The following EXOC6 variants were observed in gnomAD, a reference collection of about 807,000 sequenced individuals.
The protein encoded by EXOC6 is SEC15-like 1.
EXOC6 carries 60 observed loss-of-function variants against 112.5 expected under a neutral mutation model. The ratio of observed to expected loss-of-function variants is 0.53; its 90% confidence interval spans 0.43 to 0.66. EXOC6 has a LOEUF of 0.66. Ranked by LOEUF, EXOC6 falls within the 30% of genes least tolerant of loss-of-function variation. The pLI, the probability that EXOC6 is intolerant of heterozygous loss-of-function variation, is 0.00. For missense variants in EXOC6, 855 were observed against 957.1 expected (o/e 0.89, Z 1.41); for synonymous variants, 295 against 308.0 (o/e 0.96, Z 0.44).
At chr10:92,933,628 CTTT>C (rs1852182486) in intron 9 of EXOC6, among the ~76,000 whole-genome samples, 1 of 152,060 alleles carries the variant, frequency 6.6e-6, no homozygotes, top group African/African-American at 2.4e-5. Flanking sequence ...ATGTAATAAA[CTTT>C]TTATGAATGA....
intron 4 of EXOC6, 137 bp from the exon 5 acceptor site, chr10:92,899,462 T>G: frequency 1.7e-6 from 1 of 585,342 alleles, no homozygotes; most frequent in Non-Finnish European, 3.0e-6. Context: ...TAACATTTTA[T>G]TTGAAAATAT....
At chr10:92,941,038 C>A (rs1852640745) in intron 13 of EXOC6, among the ~76,000 whole-genome samples, 1 of 152,128 alleles carries the variant, frequency 6.6e-6, no homozygotes, top group Non-Finnish European at 1.5e-5. Context: ...AGAACGTTTT[C>A]ATCTTCCCAA....
intron 19 of EXOC6, among the ~76,000 whole-genome samples, chr10:93,003,353 T>A (rs1043975525): frequency 6.6e-6 from 1 of 152,186 alleles, no homozygotes; most frequent in African/African-American, 2.4e-5. Flanking sequence ...CATTCAGCCA[T>A]GTACTTTTTG....
intron 18 of EXOC6, among the ~76,000 whole-genome samples, chr10:92,993,970 C>T (rs1226873380): frequency 4.6e-5 from 7 of 152,184 alleles, no homozygotes; most frequent in South Asian, 4.1e-4. Flanking sequence ...CACCAAATGT[C>T]GCCTCATGCT....
chr10:93,040,113 C>T (rs1845691020), intron 20 of EXOC6, among the ~76,000 whole-genome samples: 1 of 152,230 alleles, frequency 6.6e-6, no homozygotes, highest in African/African-American at 2.4e-5. Flanking sequence ...TATCCACACC[C>T]ATTCTTCCTG....
chr10:93,003,446 T>G (rs1843842527), intron 19 of EXOC6, among the ~76,000 whole-genome samples: 1 of 152,228 alleles, frequency 6.6e-6, no homozygotes. Context: ...TGAAACAATG[T>G]GTTGGTGCTC....
At chr10:92,882,040 A>G (rs550427214) in intron 1 of EXOC6, among the ~76,000 whole-genome samples, 89 of 152,310 alleles carry the variant, frequency 5.8e-4, no homozygotes, top group African/African-American at 1.9e-3. Context: ...GCATGAGGAC[A>G]GACTAACACA....
intron 20 of EXOC6, among the ~76,000 whole-genome samples, chr10:93,021,820 G>A (rs1222593120): frequency 6.6e-6 from 1 of 152,160 alleles, no homozygotes; most frequent in Non-Finnish European, 1.5e-5. Context: ...TGAATAATCT[G>A]TTTATAGAAA....
chr10:92,849,646 C>A (rs566440397), intron 1 of EXOC6, among the ~76,000 whole-genome samples: 1 of 152,274 alleles, frequency 6.6e-6, no homozygotes, highest in South Asian at 2.1e-4. Context: ...GAATAGAGCG[C>A]TGTACAGTTT....
chr10:93,040,516 G>A (rs190081758), intron 20 of EXOC6, among the ~76,000 whole-genome samples: 41 of 152,248 alleles, frequency 2.7e-4, no homozygotes, highest in Non-Finnish European at 5.0e-4. Flanking sequence ...CAAAGTGCTG[G>A]GATTACAGGC....
chr10:92,935,699 TA>T, intron 11 of EXOC6, 114 bp from the exon 12 acceptor site: 1 of 777,356 alleles, frequency 1.3e-6, no homozygotes, highest in Non-Finnish European at 2.1e-6. Context: ...AAACTTATTA[TA>T]AGTCTGGCAG....
intron 19 of EXOC6, among the ~76,000 whole-genome samples, chr10:93,011,192 C>A (rs1274268521): frequency 6.7e-6 from 1 of 149,292 alleles, no homozygotes; most frequent in African/African-American, 2.5e-5. Flanking sequence ...GGTTGAGAAC[C>A]ACTAGGGATT....
At chr10:93,028,775 G>A (rs1470505538) in intron 20 of EXOC6, among the ~76,000 whole-genome samples, 22 of 150,246 alleles carry the variant, frequency 1.5e-4, no homozygotes, top group Middle Eastern at 3.2e-3. Context: ...CGGAGGTTGC[G>A]GTGAGCTGAG....
chr10:92,874,340 C>G (rs1373488732), intron 1 of EXOC6, among the ~76,000 whole-genome samples: 1 of 152,112 alleles, frequency 6.6e-6, no homozygotes, highest in Non-Finnish European at 1.5e-5. Flanking sequence ...CTGTTTTCAT[C>G]AGGAGTCTAG....
chr10:92,892,007 A>G (rs999298628), intron 1 of EXOC6, among the ~76,000 whole-genome samples: 1 of 152,232 alleles, frequency 6.6e-6, no homozygotes, highest in Non-Finnish European at 1.5e-5. Flanking sequence ...TGTCCTGCAG[A>G]TGAAAAGATT....
At chr10:92,915,952 T>A in intron 7 of EXOC6, 39 bp downstream of exon 7, 1 of 1,381,596 alleles carries the variant, frequency 7.2e-7, no homozygotes. Context: ...TATTAGATAA[T>A]TTTTTTTCTT....
intron 8 of EXOC6, 144 bp downstream of exon 8, chr10:92,920,194 T>G: frequency 2.0e-6 from 1 of 490,758 alleles, no homozygotes; most frequent in South Asian, 4.4e-5. Context: ...GGCACTTACA[T>G]TTTTTGTTTA....
chr10:92,975,759 G>T lies in EXOC6; in HGVS notation c.1953+1527G>T, dbSNP rs569907995. Among the ~76,000 whole-genome samples, 1,174 of 127,434 alleles carry T rather than the reference G, an allele frequency of 9.2e-3. 33 individuals carry two copies. Among genetic ancestry groups the T allele is most frequent in the African/African-American group, 0.034 (1,120 of 32,984 alleles). 83.6% of individuals were successfully genotyped at this position (127,434 alleles called of 152,430 possible). The stretch of plus-strand genomic sequence containing the variant: ...AGGGAGGTCGGGGGGCCAGCCCCCC[G>T]CCGGGCCAGCCGCCCCATCCGGGAG... On this transcript the variant is annotated intron_variant, in intron 18 of 21. Coordinates refer to ENST00000260762, the MANE Select transcript of EXOC6 (RefSeq NM_019053.6).
chr10:92,867,003 G>A (rs1848206150), intron 1 of EXOC6, among the ~76,000 whole-genome samples: 1 of 152,090 alleles, frequency 6.6e-6, no homozygotes, highest in Non-Finnish European at 1.5e-5. Context: ...ACTATTAATA[G>A]AGATAACTTG....
Sources: allele counts gnomAD v4.1 joint callset (sites outside exome capture counted in the v4.1 genomes callset), GRCh38; gene constraint gnomAD v4.1.1; transcripts MANE v1.5; gene names NCBI Gene and HGNC (gene_info 2026-07-23, HGNC 2026-07-21).